PATZ1: variants seen among roughly 807,000 people sequenced by gnomAD.
The protein encoded by PATZ1 is POZ/BTB and AT hook containing zinc finger 1.
In PATZ1, 9 loss-of-function variants were observed where a neutral mutation model predicts 46.2. That is an observed-to-expected ratio of 0.19 (90% CI 0.12 to 0.34). The LOEUF (loss-of-function observed/expected upper bound fraction) is 0.34. Among genes scored for constraint, PATZ1 ranks in the 10% least tolerant of loss-of-function variants. The probability of loss-of-function intolerance (pLI) is 1.00; values close to 1 mark genes in which losing one functional copy is unlikely to be tolerated. For missense variants in PATZ1, 632 were observed against 923.0 expected, an observed-to-expected ratio of 0.68 and a Z score of 4.08; for synonymous variants, 426 against 378.6, an observed-to-expected ratio of 1.13 and a Z score of -1.45.
rs1338169935 is a variant in PATZ1, at chr22:31,327,552, A to G, written c.1646-243T>C. ...CTGTGGACTCTTCATGCAGCTGCACATGTACTGCTCACCGTCATCTCAGCC... is the reference window on the plus strand; with the variant it reads ...CTGTGGACTCTTCATGCAGCTGCACGTGTACTGCTCACCGTCATCTCAGCC... On this transcript the variant is annotated intron_variant, in intron 4 of 4. Transcript: ENST00000266269. The surrounding 1 kb of genome is among the most constrained non-coding windows in gnomAD (Gnocchi z 4.2). 6.6e-6 allele frequency among the ~76,000 whole-genome samples: 1 copy of G among 152,100 alleles called. No homozygotes were observed. Among genetic ancestry groups the G allele is most frequent in the Non-Finnish European group, 1.5e-5 (1 of 67,998 alleles).
intron 2 of PATZ1, among the ~76,000 whole-genome samples, chr22:31,339,129 T>G (rs2049548663): frequency 6.6e-6 from 1 of 152,238 alleles, no homozygotes; most frequent in Non-Finnish European, 1.5e-5. Flanking sequence ...TACCCACAAG[T>G]GGCTTATCCA....
chr22:31,340,352 C>A (rs2049564629), intron 2 of PATZ1, among the ~76,000 whole-genome samples: 1 of 152,212 alleles, frequency 6.6e-6, no homozygotes, highest in African/African-American at 2.4e-5. Context: ...CTGTGCCTAG[C>A]CAGTGGGGAA....
intron 2 of PATZ1, among the ~76,000 whole-genome samples, chr22:31,342,405 C>G (rs981153377): frequency 6.6e-6 from 1 of 152,138 alleles, no homozygotes; most frequent in African/African-American, 2.4e-5. Flanking sequence ...TCCTACCTCC[C>G]CCACTGCCTT....
rs1211056622 is a variant in PATZ1 at position 31,326,173 on chromosome 22, CAAT to C, written c.*715_*717del. Reference sequence around the variant, plus strand: ...TACAACTGGTCCTAAAAAATAATAACAATAATAATAATAATTAGAGAATTAAAA... The same window carrying C: ...TACAACTGGTCCTAAAAAATAATAACAATAATAATAATTAGAGAATTAAAA... On this transcript the variant is annotated 3_prime_UTR_variant, in exon 5 of 5. Coordinates refer to ENST00000266269, the MANE Select transcript of PATZ1 (RefSeq NM_014323.3). 3 of 222,150 alleles carry C rather than the reference CAAT, an allele frequency of 1.4e-5. No homozygotes were observed. Among genetic ancestry groups the C allele is most frequent in the South Asian group, 1.8e-4 (1 of 5,414 alleles). 13.8% of individuals were successfully genotyped at this position (222,150 alleles called of 1,614,324 possible).
In PATZ1 at chr22:31,327,366, C is replaced by T. The variant is rs1302961441; in HGVS notation, c.1646-57G>A. The T allele has an allele frequency of 6.8e-7, 1 of 1,463,956 alleles. No homozygotes were observed. Among genetic ancestry groups the T allele is most frequent in the African/African-American group, 1.4e-5 (1 of 71,608 alleles). The allele number at this position is 1,463,956 out of a possible 1,614,324, so 90.7% of individuals were successfully genotyped here. ...AGGCCAGGCTCTGGAGATGCCCCCTCCTGGAGGGGTCATGAGGGGCCAGCT... is the reference window on the plus strand; with the variant it reads ...AGGCCAGGCTCTGGAGATGCCCCCTTCTGGAGGGGTCATGAGGGGCCAGCT... On this transcript the variant is annotated intron_variant, in intron 4 of 4. Coordinates refer to ENST00000266269, the MANE Select transcript of PATZ1 (RefSeq NM_014323.3). This position sits in a 1 kb window ranked among gnomAD's most constrained non-coding sequence, Gnocchi z 4.2.
chr22:31,343,474 C>CGCCTGAGCAGGTGGGCAGGGGCT (rs1223440107), intron 1 of PATZ1: 1 of 985,200 alleles, frequency 1.0e-6, no homozygotes, highest in East Asian at 1.1e-4. Flanking sequence ...GCCAGATGCC[C>CGCCTGAGCAGGTGGGCAGGGGCT]GCCTGAGCAG....
In PATZ1 at chr22:31,326,859, A is replaced by G; in HGVS notation, c.*32T>C. ...CACAGCATTTCCCAGCAGTCCCCAG[A>G]TGGTTGTTTCCGTGGGGACACAGCA... On this transcript the variant is annotated 3_prime_UTR_variant, in exon 5 of 5. Transcript: ENST00000266269. 1 of 1,571,924 alleles carries G rather than the reference A, an allele frequency of 6.4e-7. No homozygotes were observed. The highest frequency in any genetic ancestry group is 8.7e-7 in the Non-Finnish European group (1 of 1,153,744).
In PATZ1 at chr22:31,344,607, A is replaced by G; in HGVS notation, c.996T>C (p.Gly332=). 1 of 1,614,076 alleles carries G rather than the reference A, an allele frequency of 6.2e-7. No individual in the cohort carries two copies. Among genetic ancestry groups the G allele is most frequent in the Non-Finnish European group, 8.5e-7 (1 of 1,180,020 alleles). Reference sequence around the variant, plus strand: ...CTTCAGAGATGGGTAGCCCATTCTCACCCAGCCTCGGAGGAGGAAGGTCGA... The same window carrying G: ...CTTCAGAGATGGGTAGCCCATTCTCGCCCAGCCTCGGAGGAGGAAGGTCGA... ...GYIDLPPPRL[G]ENGLPISEDP... is the part of the protein sequence containing the mutation. The change falls in exon 1 of 5, where the codon GGT becomes GGC. Residue 332 remains glycine, a synonymous_variant. Transcript: ENST00000266269.
Position 31,325,837 on chromosome 22 carries a change from G to C in PATZ1, c.*1054C>G, listed in dbSNP as rs1250036033. ...TGTACTAACATTTTTAATACAGTCT[G>C]ATCAGATCAATTCACATCACAAGGT... On this transcript the variant is annotated 3_prime_UTR_variant, in exon 5 of 5. Transcript: ENST00000266269. The C allele has an allele frequency of 4.1e-5, 8 of 194,752 alleles. No homozygotes were observed. Among genetic ancestry groups the C allele is most frequent in the Non-Finnish European group, 8.6e-5 (8 of 93,254 alleles). The allele number at this position is 194,752 out of a possible 1,614,324, so 12.1% of individuals were successfully genotyped here. A position where few individuals can be genotyped will look rare whatever the true frequency, so the allele number is the denominator to read the frequency against.
intron 2 of PATZ1, among the ~76,000 whole-genome samples, chr22:31,336,660 G>T (rs952682190): frequency 1.3e-5 from 2 of 151,660 alleles, no homozygotes; most frequent in Admixed American, 1.3e-4. Context: ...TAAAAAATTA[G>T]CCGGGTGTGG....
In PATZ1 at chr22:31,344,658, A is replaced by C. The variant is rs368322581; in HGVS notation, c.945T>G (p.Gly315=). 5.0e-6 allele frequency: 8 copies of C among 1,613,974 alleles called. No individual in the cohort carries two copies. Among genetic ancestry groups the C allele is most frequent in the Non-Finnish European group, 8.5e-7 (1 of 1,180,030 alleles). The change falls in exon 1 of 5, where the codon GGT becomes GGG. Residue 315 remains glycine (G), a synonymous_variant. Coordinates refer to ENST00000266269, the MANE Select transcript of PATZ1 (RefSeq NM_014323.3). ...NRLRQHEAQH[G]VTSLQLGYID... is the part of the protein sequence containing the mutation. ...TGTAGCCCAGCTGGAGGCTGGTGACACCGTGCTGGGCCTCGTGCTGCCGGA... is the reference window on the plus strand; with the variant it reads ...TGTAGCCCAGCTGGAGGCTGGTGACCCCGTGCTGGGCCTCGTGCTGCCGGA...
intron 2 of PATZ1, chr22:31,341,236 G>T: frequency 7.3e-7 from 1 of 1,373,908 alleles, no homozygotes; most frequent in Non-Finnish European, 9.4e-7. Flanking sequence ...GGTGCTCCTT[G>T]CTACCCCCAT....
chr22:31,327,654 G>T lies in PATZ1; in HGVS notation c.1646-345C>A, dbSNP rs771074863. ...CAACTCAAAGACCCCCAACTCCTAGGCGCTCTTTTGGGTGCCTCTGAGGGT... is the reference window on the plus strand; with the variant it reads ...CAACTCAAAGACCCCCAACTCCTAGTCGCTCTTTTGGGTGCCTCTGAGGGT... On this transcript the variant is annotated intron_variant, in intron 4 of 4. Transcript: ENST00000266269. This position sits in a 1 kb window ranked among gnomAD's most constrained non-coding sequence, Gnocchi z 4.2. 6.6e-6 allele frequency among the ~76,000 whole-genome samples: 1 copy of T among 152,248 alleles called. No individual in the cohort carries two copies. Among genetic ancestry groups the T allele is most frequent in the African/African-American group, 2.4e-5 (1 of 41,538 alleles).
chr22:31,344,182 T>A (rs769815136), intron 1 of PATZ1, 150 bp downstream of exon 1: 35 of 688,608 alleles, frequency 5.1e-5, no homozygotes, highest in Non-Finnish European at 8.0e-5. Context: ...CATCTCAAAA[T>A]AAGGGCCCTT....
At chr22:31,336,413 A>G (rs1328501707) in intron 2 of PATZ1, among the ~76,000 whole-genome samples, 1 of 152,196 alleles carries the variant, frequency 6.6e-6, no homozygotes, top group African/African-American at 2.4e-5. Context: ...ATTATTCGTA[A>G]TATTTTCACG....
chr22:31,329,713 C>T (rs1310609883), intron 3 of PATZ1, among the ~76,000 whole-genome samples: 1 of 152,192 alleles, frequency 6.6e-6, no homozygotes, highest in African/African-American at 2.4e-5. Flanking sequence ...TCCAGCCCAC[C>T]TCCCAGATGC....
intron 2 of PATZ1, chr22:31,341,236 G>A (rs951708202): frequency 7.3e-7 from 1 of 1,373,908 alleles, no homozygotes; most frequent in Non-Finnish European, 9.4e-7. Flanking sequence ...GGTGCTCCTT[G>A]CTACCCCCAT....
Position 31,328,726 on chromosome 22 carries a change from C to CCAGCG in PATZ1, c.1645+56_1645+60dup. On this transcript the variant is annotated intron_variant, in intron 4 of 4. Transcript: ENST00000266269. This position sits in a 1 kb window ranked among gnomAD's most constrained non-coding sequence, Gnocchi z 4.8. ...GCCTTCCCGCCTCCCCACGCCCAGC[C>CCAGCG]CAGCGCCCCCACAACACAGTCTGCG... is the stretch of plus-strand genomic sequence containing the variant. The CCAGCG allele has an allele frequency of 6.5e-7, 1 of 1,547,408 alleles. No homozygotes were observed. Among genetic ancestry groups the CCAGCG allele is most frequent in the Non-Finnish European group, 8.9e-7 (1 of 1,122,076 alleles).
chr22:31,345,450 G>C lies in PATZ1; in HGVS notation c.153C>G (p.Ser51Arg), dbSNP rs2049641406. 1 of 1,612,552 alleles carries C rather than the reference G, an allele frequency of 6.2e-7. No individual in the cohort carries two copies. Among genetic ancestry groups the C allele is most frequent in the Non-Finnish European group, 8.5e-7 (1 of 1,179,740 alleles). ...CCAGCACGGCGCGGTGCGCTGGGAA[G>C]CTCTCGTCGCCTACCCGCAAGAGCA... ...CDVLLRVGDE[S>R]FPAHRAVLAA... Residue 51 changes from serine to arginine, a missense_variant, in exon 1 of 5, where the codon AGC becomes AGG. By Grantham distance (110) the Ser-to-Arg change is moderately radical (BLOSUM62 -1). Around this residue, in one of 7 missense-constraint regions of PATZ1, gnomAD observed 19 missense variants for 71.4 expected, o/e 0.27. Coordinates refer to ENST00000266269, the MANE Select transcript of PATZ1 (RefSeq NM_014323.3). This position sits in a 1 kb window ranked among gnomAD's most constrained non-coding sequence, Gnocchi z 7.4.
Sources: gnomAD v4.1 joint callset for allele counts (sites outside exome capture counted in the v4.1 genomes callset) on GRCh38, gnomAD v4.1.1 for gene constraint, gnomAD v4.1.1 regional missense constraint, Gnocchi (gnomAD v3.1) non-coding constraint, MANE v1.5 for transcripts, NCBI Gene and HGNC (gene_info 2026-07-23, HGNC 2026-07-21) for gene names.